The following CDH23 variants were observed in gnomAD, a reference collection of about 807,000 sequenced individuals.
CDH23 encodes the protein cadherin related 23.
A neutral mutation model predicts 317.1 loss-of-function variants in CDH23; 189 were observed. That is an observed-to-expected ratio of 0.60 (90% confidence interval 0.53 to 0.67). The LOEUF (loss-of-function observed/expected upper bound fraction) is 0.67, where lower values mean the gene tolerates loss of function less well. CDH23 is among the 30% of genes least tolerant of loss of function. The pLI, the probability that CDH23 is intolerant of heterozygous loss-of-function variation, is 0.00. For synonymous variants in CDH23, 1,839 were observed against 1,876.8 expected, an observed-to-expected ratio of 0.98 and a Z score of 0.52; for missense variants, 4,401 against 4,592.4, an observed-to-expected ratio of 0.96 and a Z score of 1.20.
chr10:71,435,695 C>T (rs1187719377), intron 1 of CDH23, among the ~76,000 whole-genome samples: 1 of 152,142 alleles, frequency 6.6e-6, no homozygotes, highest in Non-Finnish European at 1.5e-5. Context: ...GAGCTCAGGC[C>T]GCATCCTGAA....
intron 28 of CDH23, among the ~76,000 whole-genome samples, chr10:71,718,937 G>C (rs1419716858): frequency 1.3e-5 from 2 of 152,078 alleles, no homozygotes; most frequent in African/African-American, 4.8e-5. Flanking sequence ...AATTAGCCAG[G>C]TGTGGTAGTA....
At chr10:71,432,337 TGTGCG>T (rs1201111472) in intron 1 of CDH23, among the ~76,000 whole-genome samples, 5 of 45,546 alleles carry the variant, frequency 1.1e-4, no homozygotes, top group East Asian at 1.6e-3. Flanking sequence ...AAAAAGTGTG[TGTGCG>T]GTGTGTGAGT....
In CDH23 at chr10:71,759,998, CAT is replaced by C. The variant is rs1470059197; in HGVS notation, c.4846-17680_4846-17679del. On this transcript the variant is annotated intron_variant, in intron 38 of 69. Coordinates refer to ENST00000224721, the MANE Select transcript of CDH23 (RefSeq NM_022124.6). ...ACACACACATATATATACACACACA[CAT>C]ACATATATATACACACACACATATA... Among the ~76,000 whole-genome samples, 6 of 49,560 alleles carry C rather than the reference CAT, an allele frequency of 1.2e-4. 2 individuals are homozygous for C. In the South Asian group the frequency reaches 2.9e-3, roughly 24 times the overall value. 32.5% of individuals were successfully genotyped at this position (49,560 alleles called of 152,430 possible). A position where few individuals can be genotyped will look rare whatever the true frequency, so the allele number is the denominator to read the frequency against.
At chr10:71,588,412 A>G (rs1859232320) in intron 9 of CDH23, among the ~76,000 whole-genome samples, 1 of 151,932 alleles carries the variant, frequency 6.6e-6, no homozygotes, top group Admixed American at 6.5e-5. Flanking sequence ...AAATGGGAAT[A>G]TTCATAGGGT....
chr10:71,689,788 G>A (rs543726677), intron 19 of CDH23, among the ~76,000 whole-genome samples: 1 of 152,320 alleles, frequency 6.6e-6, no homozygotes, highest in African/African-American at 2.4e-5. Flanking sequence ...AGGCCCTGAG[G>A]GGTCCAGTCT....
chr10:71,773,610 G>T, intron 38 of CDH23: 1 of 541,992 alleles, frequency 1.8e-6, no homozygotes, highest in South Asian at 3.2e-5. Flanking sequence ...GGGCCGTGTG[G>T]GGGAACTGCC....
intron 38 of CDH23, among the ~76,000 whole-genome samples, chr10:71,759,934 T>TACAC (rs1283678300): frequency 3.3e-5 from 2 of 61,338 alleles, no homozygotes; most frequent in South Asian, 5.0e-4. Context: ...CACACACATA[T>TACAC]ATACACACAC....
At chr10:71,437,334 G>T (rs1849665654) in intron 1 of CDH23, among the ~76,000 whole-genome samples, 1 of 152,230 alleles carries the variant, frequency 6.6e-6, no homozygotes, top group African/African-American at 2.4e-5. Context: ...GATGTTCGCG[G>T]TGGCATTGCT....
chr10:71,526,335 C>T (rs972874996), intron 6 of CDH23, among the ~76,000 whole-genome samples: 3 of 152,232 alleles, frequency 2.0e-5, no homozygotes, highest in Non-Finnish European at 4.4e-5. Context: ...TGGCTCTCCA[C>T]GTGGGCCCAG....
At chr10:71,474,254 G>A (rs1359580516) in intron 3 of CDH23, among the ~76,000 whole-genome samples, 2 of 152,212 alleles carry the variant, frequency 1.3e-5, no homozygotes, top group Non-Finnish European at 2.9e-5. Flanking sequence ...AATCCCTAAG[G>A]AAGGGGTCAG....
chr10:71,511,057 C>A, intron 5 of CDH23, 56 bp downstream of exon 5: 1 of 1,611,818 alleles, frequency 6.2e-7, no homozygotes, highest in Non-Finnish European at 8.5e-7. Context: ...GATTTCTGGA[C>A]CCCTAGGGTG....
intron 9 of CDH23, among the ~76,000 whole-genome samples, chr10:71,595,704 G>A (rs956524873): frequency 2.6e-5 from 4 of 152,092 alleles, no homozygotes; most frequent in Non-Finnish European, 5.9e-5. Context: ...CCTGTCATCC[G>A]CCGAGACAAC....
Position 71,449,395 on chromosome 10 carries a change from CTG to C in CDH23, c.145+3003_145+3004del, listed in dbSNP as rs747469196. ...TCGTGGGCCTACAAGGCAGCTCACTCTGTGCTGTGGGACGGTTCCAGGAAGAA... is the reference window on the plus strand; with the variant it reads ...TCGTGGGCCTACAAGGCAGCTCACTCTGCTGTGGGACGGTTCCAGGAAGAA... On this transcript the variant is annotated intron_variant, in intron 3 of 69. Transcript: ENST00000224721. 6.2e-4 allele frequency among the ~76,000 whole-genome samples: 95 copies of C among 152,332 alleles called. 1 individual carries two copies. The highest frequency in any genetic ancestry group is 1.1e-3 in the Non-Finnish European group (72 of 68,038).
At chr10:71,570,062 A>T (rs1306612198) in intron 7 of CDH23, among the ~76,000 whole-genome samples, 1 of 151,994 alleles carries the variant, frequency 6.6e-6, no homozygotes, top group Non-Finnish European at 1.5e-5. Context: ...TTGAGGTTTT[A>T]TACAATGAAA....
chr10:71,755,616 A>G (rs1164939671), intron 38 of CDH23: 1 of 726,990 alleles, frequency 1.4e-6, no homozygotes. Flanking sequence ...CTACAGAGGC[A>G]TGGAAGATAA....
At chr10:71,742,433 G>C (rs1029634905) in intron 38 of CDH23, among the ~76,000 whole-genome samples, 1 of 152,234 alleles carries the variant, frequency 6.6e-6, no homozygotes, top group Non-Finnish European at 1.5e-5. Flanking sequence ...ACTAACGCTC[G>C]AATGAACAGC....
chr10:71,688,574 T>G (rs1193864798), intron 19 of CDH23, among the ~76,000 whole-genome samples: 4,696 of 33,454 alleles, frequency 0.14, no homozygotes, highest in African/African-American at 0.16. Context: ...AGCCAGGGGT[T>G]GTGGAGTCAG....
chr10:71,704,858 C>A (rs1244264375), intron 24 of CDH23, 53 bp from the exon 25 acceptor site: 1 of 1,363,442 alleles, frequency 7.3e-7, no homozygotes, highest in Non-Finnish European at 1.0e-6. Flanking sequence ...GGGGGAGAAG[C>A]ATCCATCCCA....
intron 1 of CDH23, among the ~76,000 whole-genome samples, chr10:71,400,383 G>A (rs1847725146): frequency 6.6e-6 from 1 of 151,606 alleles, no homozygotes; most frequent in Non-Finnish European, 1.5e-5. Context: ...CCAGAGAGAG[G>A]GCAGCTCTGC....
Sources: gnomAD v4.1 joint callset for allele counts (sites outside exome capture counted in the v4.1 genomes callset) on GRCh38, gnomAD v4.1.1 for gene constraint, MANE v1.5 for transcripts, NCBI Gene and HGNC (gene_info 2026-07-23, HGNC 2026-07-21) for gene names.